CADPS: variants seen among roughly 807,000 people sequenced by gnomAD.
CADPS encodes calcium-dependent secretion activator 1.
In CADPS, 57 loss-of-function variants were observed where a neutral mutation model predicts 167.3. The observed-to-expected ratio is 0.34, with a 90% confidence interval of 0.28 to 0.42. The LOEUF (loss-of-function observed/expected upper bound fraction) is 0.42, where lower values mean the gene tolerates loss of function less well. Among genes scored for constraint, CADPS ranks in the 20% least tolerant of loss-of-function variants. The pLI is 1.00. For missense variants in CADPS, 1,414 were observed against 1,738.1 expected (o/e 0.81, Z 3.32); for synonymous variants, 676 against 635.3 (o/e 1.06, Z -0.96).
chr3:62,747,301 G>A (rs915696347), intron 3 of CADPS, among the ~76,000 whole-genome samples: 1 of 152,226 alleles, frequency 6.6e-6, no homozygotes, highest in African/African-American at 2.4e-5. Flanking sequence ...ATCAAGAAAA[G>A]AGATGAAGAA....
At chr3:62,618,956 G>T (rs2062754620) in intron 6 of CADPS, among the ~76,000 whole-genome samples, 1 of 152,166 alleles carries the variant, frequency 6.6e-6, no homozygotes, top group Non-Finnish European at 1.5e-5. Context: ...TCTTAATTAG[G>T]TATTGATGAC....
intron 3 of CADPS, among the ~76,000 whole-genome samples, chr3:62,704,965 C>A (rs958637000): frequency 1.3e-5 from 2 of 152,092 alleles, no homozygotes; most frequent in East Asian, 1.9e-4. Flanking sequence ...GTGGAAAGAT[C>A]AAGTGCACAG....
intron 2 of CADPS, among the ~76,000 whole-genome samples, chr3:62,756,688 C>A (rs1208990828): frequency 6.6e-6 from 1 of 152,154 alleles, no homozygotes; most frequent in Admixed American, 6.5e-5. Flanking sequence ...AGAAAGCCTT[C>A]CTGAAAGAAA....
chr3:62,874,602 C>T lies in CADPS; in HGVS notation c.428G>A (p.Arg143His). The change falls in exon 1 of 30, where the codon CGC (arginine) becomes CAC (histidine). Residue 143 changes from arginine (R) to histidine (H), a missense_variant. Arg to His is a conservative substitution (Grantham distance 29). Around this residue, in one of 6 missense-constraint regions of CADPS, gnomAD observed 522 missense variants for 559.5 expected, o/e 0.93. Transcript: ENST00000383710. The surrounding 1 kb of genome is among the most constrained non-coding windows in gnomAD (Gnocchi z 7.1). Reference protein sequence around the residue: ...FNAKQPTDMARRQQKISKQQL... With the variant: ...FNAKQPTDMAHRQQKISKQQL... ...AGGCGCACCTACCTTCTGCTGCCGG[C>T]GAGCCATGTCGGTGGGCTGCTTGGC... 2 of 1,552,884 alleles carry T rather than the reference C, an allele frequency of 1.3e-6. No individual in the cohort carries two copies. Among genetic ancestry groups the T allele is most frequent in the African/African-American group, 1.4e-5 (1 of 73,208 alleles).
chr3:62,415,014 C>G (rs564052796), intron 28 of CADPS, among the ~76,000 whole-genome samples: 2 of 152,282 alleles, frequency 1.3e-5, no homozygotes, highest in East Asian at 3.9e-4. Context: ...ACCCTCCCGT[C>G]TGATGCTTTG....
intron 28 of CADPS, 92 bp from the exon 29 acceptor site, chr3:62,403,277 G>T: frequency 1.3e-6 from 1 of 782,240 alleles, no homozygotes; most frequent in Non-Finnish European, 2.2e-6. Flanking sequence ...ACCCCACTCT[G>T]TTCCAGGAGG....
chr3:62,836,556 G>A (rs1191429684), intron 1 of CADPS, among the ~76,000 whole-genome samples: 2 of 152,072 alleles, frequency 1.3e-5, no homozygotes, highest in African/African-American at 4.8e-5. Flanking sequence ...AAGTTAACCC[G>A]TGTGTGTGTG....
intron 6 of CADPS, among the ~76,000 whole-genome samples, chr3:62,599,662 A>ATTTAT (rs1291085623): frequency 9.9e-5 from 6 of 60,816 alleles, no homozygotes; most frequent in African/African-American, 4.3e-4. Flanking sequence ...ATAATATAAT[A>ATTTAT]TATATTATAT....
rs1398589033 is a variant in CADPS at position 62,412,848 on chromosome 3, A to T, written c.3778-9663T>A. Among the ~76,000 whole-genome samples, 1 of 152,180 alleles carries T rather than the reference A, an allele frequency of 6.6e-6. No homozygotes were observed. The highest frequency in any genetic ancestry group is 2.4e-5 in the African/African-American group (1 of 41,434). On this transcript the variant is annotated intron_variant, in intron 28 of 29. Transcript: ENST00000383710. This position sits in a 1 kb window ranked among gnomAD's most constrained non-coding sequence, Gnocchi z 4.1. ...ATCTAGGGGTCTCTCTCTGGAAGAC[A>T]CATCTAGTGGGGAATTTTTAGCTAG... is the stretch of plus-strand genomic sequence containing the variant.
intron 27 of CADPS, among the ~76,000 whole-genome samples, chr3:62,444,697 A>G (rs1169447364): frequency 6.6e-6 from 1 of 152,234 alleles, no homozygotes; most frequent in Non-Finnish European, 1.5e-5. Flanking sequence ...CAAACACAAT[A>G]TATGCTAATG....
intron 1 of CADPS, among the ~76,000 whole-genome samples, chr3:62,842,601 C>T (rs1455216227): frequency 6.6e-6 from 1 of 152,196 alleles, no homozygotes; most frequent in Non-Finnish European, 1.5e-5. Flanking sequence ...ATAATAGGCA[C>T]ATTGCCTTGA....
intron 1 of CADPS, among the ~76,000 whole-genome samples, chr3:62,808,310 A>G (rs2094212116): frequency 1.3e-5 from 2 of 152,180 alleles, no homozygotes; most frequent in South Asian, 4.1e-4. Context: ...GACTCTCCAG[A>G]AAAATGAGAC....
intron 1 of CADPS, among the ~76,000 whole-genome samples, chr3:62,827,473 A>G (rs1257647336): frequency 6.6e-6 from 1 of 152,182 alleles, no homozygotes; most frequent in African/African-American, 2.4e-5. Flanking sequence ...TTGAAAAGTT[A>G]ATTAATTTGC....
intron 1 of CADPS, among the ~76,000 whole-genome samples, chr3:62,830,192 A>G (rs768368659): frequency 2.6e-5 from 4 of 152,170 alleles, no homozygotes; most frequent in African/African-American, 9.7e-5. Context: ...CGCCTAGTGG[A>G]TCTTCACCTT....
chr3:62,612,519 G>T (rs933911985), intron 6 of CADPS, among the ~76,000 whole-genome samples: 3 of 152,100 alleles, frequency 2.0e-5, no homozygotes, highest in Non-Finnish European at 2.9e-5. Context: ...CTAGTTCCAG[G>T]GTCTCACAGG....
chr3:62,775,631 T>G (rs1436194861), intron 1 of CADPS, among the ~76,000 whole-genome samples: 1 of 152,186 alleles, frequency 6.6e-6, no homozygotes, highest in Non-Finnish European at 1.5e-5. Flanking sequence ...CTAGAAAACA[T>G]CTATGAAATA....
chr3:62,711,096 A>G (rs2083311679), intron 3 of CADPS, among the ~76,000 whole-genome samples: 1 of 152,198 alleles, frequency 6.6e-6, no homozygotes, highest in Admixed American at 6.5e-5. Flanking sequence ...AGTCCTATTT[A>G]GCTTATAGAC....
intron 1 of CADPS, among the ~76,000 whole-genome samples, chr3:62,829,839 T>C (rs982392761): frequency 3.5e-4 from 54 of 152,158 alleles, no homozygotes; most frequent in African/African-American, 1.3e-3. Context: ...CTGAGAAGAA[T>C]GCAAAATGGA....
intron 6 of CADPS, among the ~76,000 whole-genome samples, chr3:62,595,286 AT>A (rs1426210147): frequency 6.6e-6 from 1 of 152,168 alleles, no homozygotes; most frequent in Non-Finnish European, 1.5e-5. Flanking sequence ...TTTCAAACAC[AT>A]TAGCAAAACG....
Sources: gnomAD v4.1 joint callset for allele counts (sites outside exome capture counted in the v4.1 genomes callset) on GRCh38, gnomAD v4.1.1 for gene constraint, gnomAD v4.1.1 regional missense constraint, Gnocchi (gnomAD v3.1) non-coding constraint, MANE v1.5 for transcripts, NCBI Gene and HGNC (gene_info 2026-07-23, HGNC 2026-07-21) for gene names.